The following PIBF1 variants were observed in gnomAD, a reference collection of about 807,000 sequenced individuals.
PIBF1 encodes the protein progesterone immunomodulatory binding factor 1.
In PIBF1, 90 loss-of-function variants were observed where a neutral mutation model predicts 112.5. That is an observed-to-expected ratio of 0.80 (90% CI 0.67 to 0.95). The LOEUF is 0.95. Ranked by LOEUF, PIBF1 falls within the 40% of genes least tolerant of loss-of-function variation. The pLI, the probability that PIBF1 is intolerant of heterozygous loss-of-function variation, is 0.00. For missense variants in PIBF1, 915 were observed against 852.3 expected (o/e 1.07, Z -0.92); for synonymous variants, 301 against 288.6 (o/e 1.04, Z -0.44).
intron 9 of PIBF1, among the ~76,000 whole-genome samples, chr13:72,838,587 G>A (rs2037460357): frequency 6.6e-6 from 1 of 152,166 alleles, no homozygotes; most frequent in African/African-American, 2.4e-5. Flanking sequence ...GTGAGATACA[G>A]AAACAGCTGG....
In PIBF1 at chr13:72,985,212, A is replaced by G. The variant is rs758604949; in HGVS notation, c.2049+11537A>G. On this transcript the variant is annotated intron_variant, in intron 16 of 17. Transcript: ENST00000326291. ...AAACTACAAAACTGTAAAATCTCTG[A>G]AACTGTATAATCTCTGAAAATATTT... Among the ~76,000 whole-genome samples the G allele has an allele frequency of 3.9e-5, 6 of 152,124 alleles. 1 individual carries two copies. In the South Asian group the frequency reaches 6.2e-4, roughly 16 times the overall value.
chr13:72,800,058 CAG>C (rs758555126), intron 5 of PIBF1, among the ~76,000 whole-genome samples: 1 of 152,190 alleles, frequency 6.6e-6, no homozygotes, highest in Non-Finnish European at 1.5e-5. Flanking sequence ...TTTATTTAAA[CAG>C]AGCCTTGCTC....
intron 11 of PIBF1, among the ~76,000 whole-genome samples, chr13:72,900,316 C>A (rs987973114): frequency 1.3e-5 from 2 of 152,050 alleles, no homozygotes; most frequent in African/African-American, 4.8e-5. Context: ...GCAAAAAGAA[C>A]AAATCTGGAG....
At chr13:72,994,129 AAAAG>A (rs2043572020) in intron 16 of PIBF1, among the ~76,000 whole-genome samples, 1 of 151,938 alleles carries the variant, frequency 6.6e-6, no homozygotes, top group Non-Finnish European at 1.5e-5. Flanking sequence ...AAAAGAAAAA[AAAAG>A]GGAGAAAGGG....
At chr13:72,880,941 C>G (rs2039601208) in intron 10 of PIBF1, among the ~76,000 whole-genome samples, 1 of 152,110 alleles carries the variant, frequency 6.6e-6, no homozygotes, top group African/African-American at 2.4e-5. Flanking sequence ...ATCTTTATCT[C>G]TAAAAAGAGA....
At chr13:73,013,124 A>G (rs1413307517) in intron 17 of PIBF1, among the ~76,000 whole-genome samples, 2 of 151,352 alleles carry the variant, frequency 1.3e-5, no homozygotes, top group Non-Finnish European at 2.9e-5. Context: ...ACACGGTGAA[A>G]CCCCGTCTCT....
intron 11 of PIBF1, among the ~76,000 whole-genome samples, chr13:72,900,573 A>G (rs1161725165): frequency 2.6e-5 from 4 of 152,220 alleles, no homozygotes; most frequent in Non-Finnish European, 5.9e-5. Flanking sequence ...CTGGATCCTC[A>G]TCTCTCACCT....
At position 72,942,814 on chromosome 13, in the gene PIBF1, A is replaced by G. The variant is rs549068676; in HGVS notation, c.1833+11547A>G. On this transcript the variant is annotated intron_variant, in intron 14 of 17. Transcript: ENST00000326291. Reference sequence around the variant, plus strand: ...CCAGGAGTTCGAGACCTGCCTGACCAACATGATGAAACCCTGTCTCTACTA... The same window carrying G: ...CCAGGAGTTCGAGACCTGCCTGACCGACATGATGAAACCCTGTCTCTACTA... Among the ~76,000 whole-genome samples the G allele has an allele frequency of 2.0e-5, 3 of 152,274 alleles. No individual in the cohort carries two copies. The East Asian group carries it at 5.8e-4, about 29-fold the overall frequency.
chr13:72,818,571 G>A (rs2036398274), intron 5 of PIBF1, among the ~76,000 whole-genome samples: 1 of 150,232 alleles, frequency 6.7e-6, no homozygotes, highest in Non-Finnish European at 1.5e-5. Context: ...ACCATTGTCT[G>A]CTTTCAACTT....
intron 12 of PIBF1, among the ~76,000 whole-genome samples, chr13:72,910,171 C>T (rs1015470804): frequency 2.6e-5 from 4 of 152,120 alleles, no homozygotes; most frequent in Admixed American, 6.6e-5. Context: ...TTCCCATTTC[C>T]AAGGTCAATG....
At chr13:72,953,437 G>T (rs1013437641) in intron 14 of PIBF1, among the ~76,000 whole-genome samples, 1 of 152,124 alleles carries the variant, frequency 6.6e-6, no homozygotes, top group African/African-American at 2.4e-5. Flanking sequence ...TGCTCAGTGG[G>T]ACTCCCACAC....
chr13:72,815,739 C>T (rs1163566126), intron 5 of PIBF1, among the ~76,000 whole-genome samples: 5 of 152,172 alleles, frequency 3.3e-5, no homozygotes, highest in African/African-American at 7.2e-5. Context: ...GATCACACCT[C>T]ACTGCAGCCT....
At chr13:72,844,713 A>G (rs1375675414) in intron 9 of PIBF1, among the ~76,000 whole-genome samples, 2 of 142,338 alleles carry the variant, frequency 1.4e-5, no homozygotes, top group Non-Finnish European at 3.0e-5. Flanking sequence ...TTATAAAAGC[A>G]TCTGTAATTT....
At chr13:72,834,632 G>A (rs2037272649) in intron 8 of PIBF1, among the ~76,000 whole-genome samples, 3 of 151,586 alleles carry the variant, frequency 2.0e-5, no homozygotes, top group Non-Finnish European at 4.4e-5. Context: ...AAGAAAAAAA[G>A]AAAAAAATAC....
In PIBF1 at chr13:72,884,115, G is replaced by T. The variant is rs555469219; in HGVS notation, c.1323-9669G>T. Among the ~76,000 whole-genome samples the T allele has an allele frequency of 2.0e-5, 3 of 152,194 alleles. No individual in the cohort carries two copies. In the South Asian group the frequency reaches 6.2e-4, roughly 32 times the overall value. On this transcript the variant is annotated intron_variant, in intron 10 of 17. Transcript: ENST00000326291. ...GTACTACGTACCTATAAAAATTAAA[G>T]ATTTTTTAAAAAGAATAATCCTAAA...
chr13:72,870,211 CTGT>C (rs1480091401), intron 10 of PIBF1, among the ~76,000 whole-genome samples: 1 of 152,196 alleles, frequency 6.6e-6, no homozygotes, highest in African/African-American at 2.4e-5. Context: ...ATTCTATGAA[CTGT>C]TCTCTGCCTT....
At chr13:72,862,694 T>A (rs1460581638) in intron 10 of PIBF1, among the ~76,000 whole-genome samples, 1 of 152,136 alleles carries the variant, frequency 6.6e-6, no homozygotes, top group Non-Finnish European at 1.5e-5. Flanking sequence ...TCAGGGAGGT[T>A]TGCAGTCTGA....
chr13:72,973,563 T>G (rs1375539670), intron 15 of PIBF1, 28 bp from the exon 16 acceptor site: 1 of 1,241,406 alleles, frequency 8.1e-7, no homozygotes, highest in Non-Finnish European at 1.1e-6. Context: ...ACATAATGAC[T>G]TTTTAAAACT....
At chr13:72,915,335 C>T (rs192378386) in intron 12 of PIBF1, among the ~76,000 whole-genome samples, 4 of 152,230 alleles carry the variant, frequency 2.6e-5, no homozygotes, top group East Asian at 1.9e-4. Context: ...AGTTGCCCTG[C>T]GCTCTGCTTC....
Sources: gnomAD v4.1 joint callset for allele counts (sites outside exome capture counted in the v4.1 genomes callset) on GRCh38, gnomAD v4.1.1 for gene constraint, MANE v1.5 for transcripts, NCBI Gene and HGNC (gene_info 2026-07-23, HGNC 2026-07-21) for gene names.